CSMD1: variants seen among roughly 807,000 people sequenced by gnomAD.
The protein encoded by CSMD1 is CUB and Sushi multiple domains 1, also known as CUB and sushi domain-containing protein 1.
Under a neutral mutation model 417.5 loss-of-function variants are expected in CSMD1, and 213 were observed. The observed-to-expected ratio is 0.51, with a 90% confidence interval of 0.46 to 0.57. CSMD1 has a LOEUF of 0.57. Among genes scored for constraint, CSMD1 ranks in the 20% least tolerant of loss-of-function variants. The pLI is 0.00. For missense variants in CSMD1, 6,923 were observed against 4,529.7 expected (o/e 1.53, Z -15.17); for synonymous variants, 2,862 against 1,736.8 (o/e 1.65, Z -16.11).
intron 4 of CSMD1, among the ~76,000 whole-genome samples, chr8:4,019,739 A>G (rs1179983702): frequency 1.3e-5 from 2 of 152,184 alleles, no homozygotes; most frequent in South Asian, 4.2e-4. Flanking sequence ...TGCCTGTTGT[A>G]GAAGTAGTTT....
At chr8:3,495,558 T>C (rs749805554) in intron 10 of CSMD1, among the ~76,000 whole-genome samples, 3 of 152,234 alleles carry the variant, frequency 2.0e-5, no homozygotes, top group Non-Finnish European at 4.4e-5. Flanking sequence ...CAAACACCAA[T>C]CTTTACTCCA....
intron 2 of CSMD1, among the ~76,000 whole-genome samples, chr8:4,599,687 G>A (rs1410523327): frequency 6.6e-6 from 1 of 152,112 alleles, no homozygotes. Flanking sequence ...TTCACCATCA[G>A]CATGGCCCAG....
intron 4 of CSMD1, among the ~76,000 whole-genome samples, chr8:4,020,287 T>G (rs1164901591): frequency 6.6e-6 from 1 of 152,202 alleles, no homozygotes; most frequent in Non-Finnish European, 1.5e-5. Flanking sequence ...AGGTGACCAG[T>G]GCAGAGCTGC....
chr8:4,432,002 C>CAA (rs1370788049), intron 2 of CSMD1, among the ~76,000 whole-genome samples: 5 of 152,016 alleles, frequency 3.3e-5, no homozygotes, highest in Non-Finnish European at 7.4e-5. Flanking sequence ...TTATATTTGT[C>CAA]AATGTATTCT....
At chr8:3,566,866 G>A (rs569742341) in intron 10 of CSMD1, among the ~76,000 whole-genome samples, 20 of 152,304 alleles carry the variant, frequency 1.3e-4, no homozygotes, top group Admixed American at 7.8e-4. Context: ...GGAAGGCAGC[G>A]TGGTGATTCC....
At chr8:4,800,838 GTCCAAGCCCTGAAA>G (rs1798245670) in intron 1 of CSMD1, among the ~76,000 whole-genome samples, 1 of 152,206 alleles carries the variant, frequency 6.6e-6, no homozygotes, top group South Asian at 2.1e-4. Flanking sequence ...AGGGCACAAA[GTCCAAGCCCTGAAA>G]CCTCAACTTT....
intron 2 of CSMD1, among the ~76,000 whole-genome samples, chr8:4,513,807 A>G (rs146158032): frequency 5.3e-5 from 8 of 152,344 alleles, no homozygotes; most frequent in African/African-American, 1.9e-4. Context: ...AATATTACTT[A>G]AGCTACGCTT....
chr8:4,051,849 C>A (rs1481136012), intron 3 of CSMD1, among the ~76,000 whole-genome samples: 1 of 59,664 alleles, frequency 1.7e-5, no homozygotes, highest in Non-Finnish European at 3.2e-5. Flanking sequence ...TCTTTCTTTT[C>A]TTTTCTCTTT....
chr8:3,822,251 A>C (rs939407848), intron 5 of CSMD1, among the ~76,000 whole-genome samples: 1 of 152,102 alleles, frequency 6.6e-6, no homozygotes, highest in African/African-American at 2.4e-5. Context: ...TAACCTCTGG[A>C]CGCATCCCTT....
At chr8:4,948,552 G>A (rs944529021) in intron 1 of CSMD1, among the ~76,000 whole-genome samples, 1 of 151,942 alleles carries the variant, frequency 6.6e-6, no homozygotes, top group Admixed American at 6.6e-5. Flanking sequence ...AAATCTGCTA[G>A]AAAATTTATT....
At chr8:4,265,191 A>G (rs1363130465) in intron 3 of CSMD1, among the ~76,000 whole-genome samples, 3 of 152,154 alleles carry the variant, frequency 2.0e-5, no homozygotes, top group South Asian at 2.1e-4. Context: ...CAAAAGTAGC[A>G]AAGTGTAACA....
At chr8:4,930,460 C>T (rs574500585) in intron 1 of CSMD1, among the ~76,000 whole-genome samples, 1 of 152,142 alleles carries the variant, frequency 6.6e-6, no homozygotes, top group East Asian at 1.9e-4. Flanking sequence ...ATACTGTTAG[C>T]TTATTAGTTT....
chr8:3,912,700 G>A (rs561565467), intron 5 of CSMD1, among the ~76,000 whole-genome samples: 5 of 152,270 alleles, frequency 3.3e-5, no homozygotes, highest in South Asian at 4.1e-4. Flanking sequence ...TGCAGAATAC[G>A]ACAACTGATG....
chr8:4,472,604 T>A (rs879860674), intron 2 of CSMD1, among the ~76,000 whole-genome samples: 1 of 152,048 alleles, frequency 6.6e-6, no homozygotes, highest in Non-Finnish European at 1.5e-5. Context: ...GTTAAAATAT[T>A]TAACAAGATA....
intron 16 of CSMD1, among the ~76,000 whole-genome samples, chr8:3,398,723 T>C (rs1164248770): frequency 5.3e-5 from 8 of 152,206 alleles, no homozygotes; most frequent in Admixed American, 5.2e-4. Flanking sequence ...AAAATCTTTT[T>C]AGTTTTTAAT....
Position 3,575,481 on chromosome 8 carries a change from G to A in CSMD1, c.1223-415C>T, listed in dbSNP as rs189230626. On this transcript the variant is annotated intron_variant, in intron 9 of 69. Coordinates refer to ENST00000635120, the MANE Select transcript of CSMD1 (RefSeq NM_033225.6). ...GCAGTAAGATAGAGGGAAAGGCACCGCCGAGTGCAATTCAACCAGAGTTAC... is the reference window on the plus strand; with the variant it reads ...GCAGTAAGATAGAGGGAAAGGCACCACCGAGTGCAATTCAACCAGAGTTAC... Among the ~76,000 whole-genome samples, 14 of 152,196 alleles carry A rather than the reference G, an allele frequency of 9.2e-5. No individual in the cohort carries two copies. The East Asian group carries it at 2.3e-3, about 25-fold the overall frequency.
At chr8:3,392,439 G>A (rs1044752425) in intron 17 of CSMD1, among the ~76,000 whole-genome samples, 3 of 152,186 alleles carry the variant, frequency 2.0e-5, no homozygotes, top group Non-Finnish European at 4.4e-5. Context: ...TTACCTGGAT[G>A]AAGGGGTTGG....
At chr8:3,684,595 TC>T (rs1688725451) in intron 7 of CSMD1, among the ~76,000 whole-genome samples, 1 of 137,274 alleles carries the variant, frequency 7.3e-6, no homozygotes, top group Non-Finnish European at 1.5e-5. Flanking sequence ...ACTGATACAG[TC>T]TTTTTTTTTT....
At chr8:4,607,259 A>G (rs1021732584) in intron 2 of CSMD1, among the ~76,000 whole-genome samples, 5 of 150,964 alleles carry the variant, frequency 3.3e-5, no homozygotes, top group Non-Finnish European at 7.4e-5. Context: ...TCTGCTAGTG[A>G]TAAGTAGAAA....
Sources: gnomAD v4.1 joint callset for allele counts (sites outside exome capture counted in the v4.1 genomes callset) on GRCh38, gnomAD v4.1.1 for gene constraint, MANE v1.5 for transcripts, NCBI Gene and HGNC (gene_info 2026-07-23, HGNC 2026-07-21) for gene names.